The following HIF3A variants were observed in gnomAD, a reference collection of about 807,000 sequenced individuals.
HIF3A encodes the protein hypoxia inducible factor 3 subunit alpha, also known as hypoxia-inducible factor 3-alpha.
In HIF3A, 41 loss-of-function variants were observed where a neutral mutation model predicts 67.2. That is an observed-to-expected ratio of 0.61 (90% confidence interval 0.48 to 0.79). HIF3A has a LOEUF of 0.79. HIF3A is among the 30% of genes least tolerant of loss of function. HIF3A has a pLI of 0.00. For missense variants in HIF3A, 855 were observed against 898.0 expected (o/e 0.95, Z 0.61); for synonymous variants, 356 against 374.8 (o/e 0.95, Z 0.58).
intron 10 of HIF3A, among the ~76,000 whole-genome samples, chr19:46,325,052 G>A (rs1003134640): frequency 4.0e-5 from 6 of 148,332 alleles, no homozygotes; most frequent in African/African-American, 1.0e-4. Context: ...GCTGGAGTGC[G>A]GTGGCATGAT....
At chr19:46,332,238 A>G (rs917380677) in intron 13 of HIF3A, among the ~76,000 whole-genome samples, 1 of 152,162 alleles carries the variant, frequency 6.6e-6, no homozygotes, top group African/African-American at 2.4e-5. Flanking sequence ...ATGGTGTACA[A>G]AAACAAACCA....
intron 8 of HIF3A, among the ~76,000 whole-genome samples, chr19:46,318,001 A>G (rs1970053253): frequency 6.6e-6 from 1 of 151,860 alleles, no homozygotes; most frequent in South Asian, 2.1e-4. Context: ...ACACCTGGCT[A>G]ATTTTTGTAT....
At chr19:46,306,261 T>G (rs138703358) in intron 3 of HIF3A, among the ~76,000 whole-genome samples, 32 of 152,208 alleles carry the variant, frequency 2.1e-4, no homozygotes, top group African/African-American at 6.3e-4. Flanking sequence ...GTGGAGAGGT[T>G]GTGCCAGAAA....
rs761491529 is a variant in HIF3A, at chr19:46,308,203, C to G, written c.364-18C>G. 4.4e-6 allele frequency: 7 copies of G among 1,576,240 alleles called. No individual in the cohort carries two copies. The highest frequency in any genetic ancestry group is 2.2e-5 in the South Asian group (2 of 90,286). ...GTCAGAAGCCCTGGTAGACCCCCAC[C>G]CCTCTCATCCCTGGCAGCTGGAGCT... On this transcript the variant is annotated intron_variant, in intron 3 of 14. Transcript: ENST00000377670.
chr19:46,329,097 T>G, intron 11 of HIF3A, 110 bp from the exon 12 acceptor site: 1 of 1,050,032 alleles, frequency 9.5e-7, no homozygotes, highest in Non-Finnish European at 1.4e-6. Context: ...AAACTGAAGC[T>G]CAGACTGTTG....
At position 46,312,256 on chromosome 19, in the gene HIF3A, G is replaced by A. The variant is rs753087580; in HGVS notation, c.866G>A (p.Ser289Asn). The A allele has an allele frequency of 3.7e-6, 6 of 1,613,828 alleles. No individual in the cohort carries two copies. In the East Asian group the frequency reaches 6.7e-5, roughly 18 times the overall value. ...CTGGACTCCGATGCGGTCAGCAAGA[G>A]CATCCACACCTGTATGTATCCCATT... ...HALDSDAVSK[S>N]IHTLLSKGQA... Residue 289 changes from serine to asparagine, a missense_variant, in exon 7 of 15, where the codon AGC (serine) becomes AAC (asparagine). Ser to Asn is a conservative substitution (Grantham distance 46). Coordinates refer to ENST00000377670, the MANE Select transcript of HIF3A (RefSeq NM_152795.4).
intron 9 of HIF3A, among the ~76,000 whole-genome samples, chr19:46,320,847 G>C (rs1970308225): frequency 6.6e-6 from 1 of 152,140 alleles, no homozygotes; most frequent in East Asian, 1.9e-4. Flanking sequence ...GCTGGCCTCT[G>C]CTCTAAATCC....
chr19:46,298,426 A>G lies in HIF3A; in HGVS notation c.26+1324A>G, dbSNP rs746026262. On this transcript the variant is annotated intron_variant, in intron 1 of 14. Coordinates refer to ENST00000377670, the MANE Select transcript of HIF3A (RefSeq NM_152795.4). ...AGTCATCTCACCGCCGTGCGCACCC[A>G]CTCGTAACTCGCACCCGGGTCCTGG... 26 of 1,275,290 alleles carry G rather than the reference A, an allele frequency of 2.0e-5. No individual in the cohort carries two copies. In the South Asian group the frequency reaches 2.9e-4, roughly 14 times the overall value. The allele number at this position is 1,275,290 out of a possible 1,614,324, so 79.0% of individuals were successfully genotyped here. A position where few individuals can be genotyped will look rare whatever the true frequency, so the allele number is the denominator to read the frequency against.
chr19:46,329,345 T>A lies in HIF3A; in HGVS notation c.1579T>A (p.Phe527Ile). 1 of 1,613,156 alleles carries A rather than the reference T, an allele frequency of 6.2e-7. No individual in the cohort carries two copies. The highest frequency in any genetic ancestry group is 1.1e-5 in the South Asian group (1 of 91,044). Reference protein sequence around the residue: ...GAVPRPRARSFHGLSPPALEP... With the variant: ...GAVPRPRARSIHGLSPPALEP... The stretch of plus-strand genomic sequence containing the variant: ...TGTCCCCCGGCCCCGTGCTCGGAGC[T>A]TCCATGGCCTGTCACCTCCAGCCCT... The change falls in exon 12 of 15, where the codon TTC becomes ATC. Residue 527 changes from phenylalanine (F) to isoleucine (I), a missense_variant. Physicochemically the swap from Phe to Ile is conservative, Grantham distance 21 (BLOSUM62 0). Around this residue, in one of 3 missense-constraint regions of HIF3A, gnomAD observed 199 missense variants for 193.8 expected, o/e 1.03. Transcript: ENST00000377670.
At chr19:46,333,862 G>A (rs1166464318) in intron 13 of HIF3A, among the ~76,000 whole-genome samples, 22 of 129,698 alleles carry the variant, frequency 1.7e-4, no homozygotes, top group Non-Finnish European at 3.4e-4. Flanking sequence ...GCGCGATCTC[G>A]GCTCACTGCA....
intron 13 of HIF3A, among the ~76,000 whole-genome samples, chr19:46,331,690 T>C (rs1485211310): frequency 6.6e-6 from 1 of 151,474 alleles, no homozygotes; most frequent in African/African-American, 2.4e-5. Context: ...ACCCCGTCTC[T>C]ACTAAAAATA....
rs1220211897 is a variant in HIF3A at position 46,312,526 on chromosome 19, G to A, written c.898G>A (p.Val300Ile). Reference sequence around the variant, plus strand: ...CTCAGTGCTGAGCAAGGGCCAGGCAGTAACAGGGCAGTATCGCTTCCTGGC... The same window carrying A: ...CTCAGTGCTGAGCAAGGGCCAGGCAATAACAGGGCAGTATCGCTTCCTGGC... ...IHTLLSKGQA[V>I]TGQYRFLARS... is the part of the protein sequence containing the mutation. The change falls in exon 8 of 15, where the codon GTA (valine) becomes ATA (isoleucine). Residue 300 changes from valine to isoleucine, a missense_variant. Val to Ile is a conservative substitution (Grantham distance 29). This residue lies in a region of HIF3A where 638 missense variants were observed against 660.5 expected (regional missense o/e 0.97). Coordinates refer to ENST00000377670, the MANE Select transcript of HIF3A (RefSeq NM_152795.4). 4 of 1,614,044 alleles carry A rather than the reference G, an allele frequency of 2.5e-6. No homozygotes were observed. Among genetic ancestry groups the A allele is most frequent in the Non-Finnish European group, 3.4e-6 (4 of 1,180,014 alleles).
chr19:46,309,342 C>T lies in HIF3A; in HGVS notation c.753C>T (p.Phe251=). The change falls in exon 6 of 15, where the codon TTC becomes TTT. Residue 251 remains phenylalanine (F), a synonymous_variant. Coordinates refer to ENST00000377670, the MANE Select transcript of HIF3A (RefSeq NM_152795.4). ...FLSRHSLDMK[F]TYCDDRIAEV... is the part of the protein sequence containing the mutation. ...GCCGCCACAGCCTGGACATGAAGTT[C>T]ACCTACTGTGACGACAGGTGGGCAG... 6.2e-7 allele frequency: 1 copy of T among 1,609,988 alleles called. No homozygotes were observed. The highest frequency in any genetic ancestry group is 8.5e-7 in the Non-Finnish European group (1 of 1,178,118).
intron 8 of HIF3A, chr19:46,312,882 A>ATTTTTTTTTTTTTTTTTTTTTTTTTT (rs531816670): frequency 1.4e-6 from 1 of 733,958 alleles, no homozygotes; most frequent in Non-Finnish European, 1.6e-6. Context: ...TAGACTGTTA[A>ATTTTTTTTTTTTTTTTTTTTTTTTTT]TTTTTTTTTT....
At chr19:46,312,436 CA>C (rs2147176018) in intron 7 of HIF3A, 69 bp from the exon 8 acceptor site, 1 of 1,599,686 alleles carries the variant, frequency 6.3e-7, no homozygotes, top group South Asian at 1.1e-5. Flanking sequence ...CCCTCATACC[CA>C]GTCCCCAGAT....
intron 2 of HIF3A, 190 bp from the exon 3 acceptor site, chr19:46,305,055 A>T: frequency 1.3e-6 from 1 of 782,830 alleles, no homozygotes; most frequent in Non-Finnish European, 2.2e-6. Context: ...CCCTGCTTCT[A>T]ATTCCAGTGC....
At position 46,314,643 on chromosome 19, in the gene HIF3A, C is replaced by T. The variant is rs1475485237; in HGVS notation, c.1025+1990C>T. Among the ~76,000 whole-genome samples the T allele has an allele frequency of 5.5e-5, 8 of 146,638 alleles. 2 individuals carry two copies. Among genetic ancestry groups the T allele is most frequent in the East Asian group, 2.3e-4 (1 of 4,424 alleles). The stretch of plus-strand genomic sequence containing the variant: ...CACGATCTCGGCTCACTTCAACTTC[C>T]GCCTCCCGGGTTCAAGCAATTCTTC... On this transcript the variant is annotated intron_variant, in intron 8 of 14. Coordinates refer to ENST00000377670, the MANE Select transcript of HIF3A (RefSeq NM_152795.4).
chr19:46,298,215 T>TCCCCCCC, intron 1 of HIF3A: 2 of 273,766 alleles, frequency 7.3e-6, no homozygotes, highest in Admixed American at 4.9e-5. Flanking sequence ...ACCGCCCCCA[T>TCCCCCCC]CCTCTCCCCT....
chr19:46,338,809 C>T (rs770971641), intron 14 of HIF3A, among the ~76,000 whole-genome samples: 3 of 152,112 alleles, frequency 2.0e-5, no homozygotes, highest in Non-Finnish European at 4.4e-5. Flanking sequence ...ACTCTGGACT[C>T]GGGTTCTTCA....
Sources: allele counts gnomAD v4.1 joint callset (sites outside exome capture counted in the v4.1 genomes callset), GRCh38; gene constraint gnomAD v4.1.1; regional missense constraint gnomAD v4.1.1; transcripts MANE v1.5; gene names NCBI Gene and HGNC (gene_info 2026-07-23, HGNC 2026-07-21).